TMEFF2: variants seen among roughly 807,000 people sequenced by gnomAD.
TMEFF2 encodes tomoregulin-2.
Under a neutral mutation model 53.8 loss-of-function variants are expected in TMEFF2, and 28 were observed. The ratio of observed to expected loss-of-function variants is 0.52; its 90% CI spans 0.39 to 0.71. The LOEUF (loss-of-function observed/expected upper bound fraction) is 0.71. Among genes scored for constraint, TMEFF2 ranks in the 30% least tolerant of loss-of-function variants. The pLI is 0.00. For synonymous variants in TMEFF2, 162 were observed against 166.3 expected (o/e 0.97, Z 0.20); for missense variants, 353 against 455.2 (o/e 0.78, Z 2.04).
At chr2:191,987,165 A>T (rs1251261391) in intron 7 of TMEFF2, among the ~76,000 whole-genome samples, 2 of 152,122 alleles carry the variant, frequency 1.3e-5, no homozygotes, top group Admixed American at 6.6e-5. Context: ...ACTAGATGCC[A>T]GCAGTACTTA....
chr2:192,131,827 C>A (rs890593860), intron 4 of TMEFF2, among the ~76,000 whole-genome samples: 28 of 152,160 alleles, frequency 1.8e-4, no homozygotes, highest in African/African-American at 6.8e-4. Context: ...GACCCCAATA[C>A]AAACTCGACA....
chr2:192,096,278 TA>T (rs1431089402), intron 4 of TMEFF2, among the ~76,000 whole-genome samples: 1 of 152,176 alleles, frequency 6.6e-6, no homozygotes, highest in African/African-American at 2.4e-5. Context: ...TCAACTGAAT[TA>T]AAAAATTTTA....
At chr2:192,119,975 A>T (rs1258526081) in intron 4 of TMEFF2, among the ~76,000 whole-genome samples, 1 of 152,218 alleles carries the variant, frequency 6.6e-6, no homozygotes, top group Non-Finnish European at 1.5e-5. Flanking sequence ...AGAATAACAC[A>T]GGAAATTGCT....
chr2:192,061,859 T>A (rs773532502), intron 4 of TMEFF2, among the ~76,000 whole-genome samples: 12 of 152,118 alleles, frequency 7.9e-5, no homozygotes, highest in Non-Finnish European at 1.8e-4. Flanking sequence ...TCGTTCTCTC[T>A]CTTGCTCCCC....
intron 4 of TMEFF2, among the ~76,000 whole-genome samples, chr2:192,157,775 TAA>T (rs1478239166): frequency 9.2e-5 from 14 of 152,072 alleles, no homozygotes; most frequent in Non-Finnish European, 1.5e-5. Context: ...GAAATTATTT[TAA>T]GTGTTAAAAA....
intron 4 of TMEFF2, among the ~76,000 whole-genome samples, chr2:192,064,300 T>G (rs1475184159): frequency 1.3e-5 from 2 of 151,846 alleles, no homozygotes; most frequent in African/African-American, 2.4e-5. Flanking sequence ...TATTTCTAAT[T>G]ATCATATTCC....
Position 192,097,186 on chromosome 2 carries a change from G to A in TMEFF2, c.440-39411C>T, listed in dbSNP as rs1379967957. Among the ~76,000 whole-genome samples, 6 of 152,294 alleles carry A rather than the reference G, an allele frequency of 3.9e-5. 1 individual carries two copies. Among genetic ancestry groups the A allele is most frequent in the Middle Eastern group, 6.8e-3 (2 of 294 alleles). ...AAAAATTAAGCGTGCACTTCTACAC[G>A]TGAAAAGCTCCTTTAATTGTTTATT... On this transcript the variant is annotated intron_variant, in intron 4 of 9. Transcript: ENST00000272771.
chr2:192,132,130 A>G (rs1559139842), intron 4 of TMEFF2, among the ~76,000 whole-genome samples: 1 of 151,916 alleles, frequency 6.6e-6, no homozygotes, highest in South Asian at 2.1e-4. Context: ...CTAGGCCCCA[A>G]TTCTTCCTCA....
intron 4 of TMEFF2, among the ~76,000 whole-genome samples, chr2:192,157,188 C>T (rs955891874): frequency 6.6e-6 from 1 of 151,964 alleles, no homozygotes. Flanking sequence ...GGTGTTCAAA[C>T]CCAAATATGG....
At chr2:192,040,296 C>T (rs765654030) in intron 5 of TMEFF2, among the ~76,000 whole-genome samples, 6 of 152,020 alleles carry the variant, frequency 3.9e-5, no homozygotes, top group Non-Finnish European at 8.8e-5. Flanking sequence ...TTATTTCTAT[C>T]CTGCCTTTTA....
rs149732332 is a variant in TMEFF2, at chr2:191,994,178, T to A, written c.745+4084A>T. On this transcript the variant is annotated intron_variant, in intron 7 of 9. Transcript: ENST00000272771. ...ACTGTAATAGTCTGTGTTGCTGGTATATGTATTTTCTTTAACAATTCTGAT... is the reference window on the plus strand; with the variant it reads ...ACTGTAATAGTCTGTGTTGCTGGTAAATGTATTTTCTTTAACAATTCTGAT... Among the ~76,000 whole-genome samples, 226 of 152,174 alleles carry A rather than the reference T, an allele frequency of 1.5e-3. 5 individuals are homozygous for A. In the East Asian group the frequency reaches 0.043, roughly 29 times the overall value.
intron 5 of TMEFF2, chr2:192,030,695 AG>A (rs551134236): frequency 5.3e-5 from 8 of 152,226 alleles, no homozygotes; most frequent in African/African-American, 1.9e-4. Context: ...TTATTAAGAT[AG>A]TCAAGTTAAA....
At chr2:191,958,298 G>A (rs371797207) in intron 7 of TMEFF2, among the ~76,000 whole-genome samples, 28 of 152,070 alleles carry the variant, frequency 1.8e-4, no homozygotes, top group African/African-American at 4.1e-4. Flanking sequence ...CACTTCTATG[G>A]TTCATTAATA....
chr2:192,028,771 T>C (rs1687040355), intron 5 of TMEFF2: 2 of 152,120 alleles, frequency 1.3e-5, no homozygotes, highest in African/African-American at 4.8e-5. Context: ...GAGATACAAA[T>C]TGTGTAATTT....
chr2:192,005,007 A>T (rs1404298737), intron 5 of TMEFF2, among the ~76,000 whole-genome samples: 2 of 152,108 alleles, frequency 1.3e-5, no homozygotes, highest in Non-Finnish European at 2.9e-5. Flanking sequence ...GATTACATAG[A>T]TCTCTTTTCT....
intron 7 of TMEFF2, among the ~76,000 whole-genome samples, chr2:191,964,264 CTTTTCTT>C (rs1309577334): frequency 0.014 from 57 of 4,010 alleles, 2 homozygotes; most frequent in South Asian, 0.25. Context: ...TTCCTCCTTT[CTTTTCTT>C]TTTTCTTTTC....
intron 4 of TMEFF2, among the ~76,000 whole-genome samples, chr2:192,153,138 AGAGT>A (rs1432873599): frequency 6.6e-6 from 1 of 151,542 alleles, no homozygotes; most frequent in African/African-American, 2.4e-5. Context: ...AATAAATCTA[AGAGT>A]TAGTTTATTT....
intron 4 of TMEFF2, among the ~76,000 whole-genome samples, chr2:192,088,240 T>G (rs1688710563): frequency 6.6e-6 from 1 of 152,004 alleles, no homozygotes; most frequent in East Asian, 1.9e-4. Flanking sequence ...TGCCCACAGG[T>G]AAGAAAAGAC....
chr2:192,024,004 G>A (rs887075368), intron 5 of TMEFF2, among the ~76,000 whole-genome samples: 1 of 152,150 alleles, frequency 6.6e-6, no homozygotes, highest in African/African-American at 2.4e-5. Context: ...ACAGTTTGGG[G>A]ATGAATGTGT....
Sources: allele counts gnomAD v4.1 joint callset (sites outside exome capture counted in the v4.1 genomes callset), GRCh38; gene constraint gnomAD v4.1.1; transcripts MANE v1.5; gene names NCBI Gene and HGNC (gene_info 2026-07-23, HGNC 2026-07-21).